Variants in PTPRQ observed in about 807,000 individuals in gnomAD.
PTPRQ encodes the protein protein tyrosine phosphatase receptor type Q, also known as phosphatidylinositol phosphatase PTPRQ.
In PTPRQ, 199 loss-of-function variants were observed where a neutral mutation model predicts 246.0. That is an observed-to-expected ratio of 0.81 (90% CI 0.72 to 0.91). The LOEUF is 0.91. Among genes scored for constraint, PTPRQ ranks in the 40% least tolerant of loss-of-function variants. The pLI is 0.00. For synonymous variants in PTPRQ, 869 were observed against 853.2 expected (o/e 1.02, Z -0.32); for missense variants, 2,624 against 2,528.4 (o/e 1.04, Z -0.81).
chr12:80,601,529 G>T (rs1194902068), intron 26 of PTPRQ, among the ~76,000 whole-genome samples: 1 of 151,658 alleles, frequency 6.6e-6, no homozygotes, highest in African/African-American at 2.4e-5. Context: ...CTAAACATTT[G>T]GTTATAATAA....
At chr12:80,473,569 G>A (rs1893721993) in intron 8 of PTPRQ, among the ~76,000 whole-genome samples, 1 of 152,158 alleles carries the variant, frequency 6.6e-6, no homozygotes, top group South Asian at 2.1e-4. Flanking sequence ...AAGACCAGCT[G>A]ATTTTGGTGC....
At position 80,472,155 on chromosome 12, in the gene PTPRQ, C is replaced by A; in HGVS notation, c.1090C>A (p.Leu364Ile). 3 of 1,551,584 alleles carry A rather than the reference C, an allele frequency of 1.9e-6. No individual in the cohort carries two copies. In the Middle Eastern group the frequency reaches 5.0e-4, roughly 259 times the overall value. Residue 364 changes from leucine (L) to isoleucine (I), a missense_variant, in exon 8 of 45, where the codon CTA becomes ATA. Coordinates refer to ENST00000644991, the MANE Select transcript of PTPRQ (RefSeq NM_001145026.2). Reference protein sequence around the residue: ...TKDLKFAFTNLTPFTMYDVYI... With the variant: ...TKDLKFAFTNITPFTMYDVYI... ...AGACCTCAAGTTTGCATTCACTAAC[C>A]TAACACCATTTACAATGTATGATGT...
At chr12:80,571,172 T>G (rs138221339) in intron 25 of PTPRQ, among the ~76,000 whole-genome samples, 1 of 152,122 alleles carries the variant, frequency 6.6e-6, no homozygotes, top group Non-Finnish European at 1.5e-5. Context: ...AATTATGGAG[T>G]CTCACTCTGT....
intron 25 of PTPRQ, among the ~76,000 whole-genome samples, chr12:80,578,527 G>A (rs1161051094): frequency 2.0e-5 from 3 of 151,592 alleles, no homozygotes; most frequent in South Asian, 2.1e-4. Flanking sequence ...AGTAGCTGGG[G>A]CTGCAGGCGC....
intron 23 of PTPRQ, among the ~76,000 whole-genome samples, chr12:80,544,789 T>G (rs758322319): frequency 1.8e-4 from 28 of 152,092 alleles, no homozygotes; most frequent in Non-Finnish European, 3.2e-4. Flanking sequence ...TTTTCTCTGT[T>G]TTTCTATTCT....
At chr12:80,567,216 A>C (rs959952369) in intron 25 of PTPRQ, among the ~76,000 whole-genome samples, 1 of 152,230 alleles carries the variant, frequency 6.6e-6, no homozygotes, top group Non-Finnish European at 1.5e-5. Flanking sequence ...TTTCTATTAA[A>C]AATCTACATT....
intron 28 of PTPRQ, 53 bp downstream of exon 28, chr12:80,610,678 T>C: frequency 6.5e-7 from 1 of 1,529,280 alleles, no homozygotes. Context: ...TAGCTGGCTT[T>C]CTTACAGTTC....
chr12:80,472,474 A>G (rs1226276855), intron 8 of PTPRQ, among the ~76,000 whole-genome samples: 3 of 152,216 alleles, frequency 2.0e-5, no homozygotes, highest in South Asian at 4.1e-4. Context: ...GTTAGGAAAT[A>G]TCATATGTAG....
At chr12:80,553,012 C>T (rs1454335192) in intron 25 of PTPRQ, among the ~76,000 whole-genome samples, 1 of 151,936 alleles carries the variant, frequency 6.6e-6, no homozygotes, top group African/African-American at 2.4e-5. Context: ...CTTGTAGGAA[C>T]CATGTCTTAT....
intron 19 of PTPRQ, among the ~76,000 whole-genome samples, chr12:80,537,367 A>C (rs1896018636): frequency 6.6e-6 from 1 of 152,196 alleles, no homozygotes; most frequent in Non-Finnish European, 1.5e-5. Flanking sequence ...ACTTTGTAGA[A>C]TATGTCATGC....
intron 25 of PTPRQ, among the ~76,000 whole-genome samples, chr12:80,570,211 T>C (rs1897105397): frequency 6.6e-6 from 1 of 152,308 alleles, no homozygotes; most frequent in Non-Finnish European, 1.5e-5. Flanking sequence ...AGTATAAAAG[T>C]GTTCCTGTTT....
intron 35 of PTPRQ, 35 bp downstream of exon 35, chr12:80,635,108 A>G (rs1055479632): frequency 9.7e-6 from 15 of 1,545,860 alleles, no homozygotes; most frequent in Non-Finnish European, 1.2e-5. Flanking sequence ...TGTGGTCCAG[A>G]GGGCCTGGAG....
intron 24 of PTPRQ, among the ~76,000 whole-genome samples, chr12:80,549,137 A>G (rs1031958949): frequency 6.6e-6 from 1 of 152,098 alleles, no homozygotes. Context: ...TTTCCAATTA[A>G]GAGAGCAGTT....
Position 80,493,382 on chromosome 12 carries a change from A to C in PTPRQ, c.1467A>C (p.Thr489=). ...CGTCTGACCTTCACTCACTTGCTACATTTATATATAACAGCCATCCAGATA... is the reference window on the plus strand; with the variant it reads ...CGTCTGACCTTCACTCACTTGCTACCTTTATATATAACAGCCATCCAGATA... ...EMSSDLHSLA[T]FIYNSHPDKN... Residue 489 remains threonine (T), a synonymous_variant, in exon 10 of 45, where the codon ACA becomes ACC. Coordinates refer to ENST00000644991, the MANE Select transcript of PTPRQ (RefSeq NM_001145026.2). 1 of 1,550,244 alleles carries C rather than the reference A, an allele frequency of 6.5e-7. No homozygotes were observed.
chr12:80,548,424 C>T (rs1896373232), intron 24 of PTPRQ, among the ~76,000 whole-genome samples: 2 of 152,058 alleles, frequency 1.3e-5, no homozygotes, highest in Admixed American at 6.6e-5. Context: ...ATCCCTTGAT[C>T]AGCCAGAAAT....
At chr12:80,575,977 T>A (rs531100371) in intron 25 of PTPRQ, among the ~76,000 whole-genome samples, 5 of 152,258 alleles carry the variant, frequency 3.3e-5, no homozygotes, top group Non-Finnish European at 5.9e-5. Flanking sequence ...GCCTTTGTTC[T>A]CATTGTTTCT....
chr12:80,669,291 A>G (rs1592779230), intron 40 of PTPRQ, 48 bp from the exon 41 acceptor site: 2 of 1,542,488 alleles, frequency 1.3e-6, no homozygotes, highest in Non-Finnish European at 8.7e-7. Context: ...ATACATATAT[A>G]TCAATATAAC....
At chr12:80,645,483 A>G (rs548281586) in intron 35 of PTPRQ, among the ~76,000 whole-genome samples, 1 of 151,830 alleles carries the variant, frequency 6.6e-6, no homozygotes, top group South Asian at 2.1e-4. Flanking sequence ...TTCATCCACA[A>G]TTTTATATTT....
rs76825338 is a variant in PTPRQ at position 80,476,183 on chromosome 12, A to C, written c.1186+3932A>C. Among the ~76,000 whole-genome samples the C allele has an allele frequency of 6.0e-3, 906 of 152,226 alleles. 1 individual carries two copies. Among genetic ancestry groups the C allele is most frequent in the Admixed American group, 0.01 (158 of 15,290 alleles). ...AACTGCAAAATAAAATTTTAAAAAG[A>C]GATGGAATAGGAGCTTTGCTATTTA... On this transcript the variant is annotated intron_variant, in intron 8 of 44. Transcript: ENST00000644991.
Sources: gnomAD v4.1 joint callset for allele counts (sites outside exome capture counted in the v4.1 genomes callset) on GRCh38, gnomAD v4.1.1 for gene constraint, MANE v1.5 for transcripts, NCBI Gene and HGNC (gene_info 2026-07-23, HGNC 2026-07-21) for gene names.